The following PMM2 variants were observed in gnomAD, a reference collection of about 807,000 sequenced individuals.
PMM2 encodes the protein phosphomannomutase 2.
PMM2 carries 35 observed loss-of-function variants against 33.2 expected under a neutral mutation model. The ratio of observed to expected loss-of-function variants is 1.06; its 90% CI spans 0.81 to 1.40. The LOEUF is 1.40. PMM2 is among the 40% of genes most tolerant of loss of function. The pLI is 0.00. For missense variants in PMM2, 386 were observed against 306.0 expected (o/e 1.26, Z -1.95); for synonymous variants, 153 against 114.7 (o/e 1.33, Z -2.13).
chr16:8,801,382 A>C (rs2060615420), intron 1 of PMM2, among the ~76,000 whole-genome samples: 1 of 152,222 alleles, frequency 6.6e-6, no homozygotes, highest in Non-Finnish European at 1.5e-5. Flanking sequence ...GGCATGTATG[A>C]AAATAAGGCT....
intron 7 of PMM2, among the ~76,000 whole-genome samples, chr16:8,837,144 G>C (rs1423622255): frequency 1.3e-5 from 2 of 151,894 alleles, no homozygotes; most frequent in African/African-American, 2.4e-5. Context: ...GGGGACAGGT[G>C]GGAGGGAAAG....
At chr16:8,812,614 C>T (rs1028679799) in intron 6 of PMM2, among the ~76,000 whole-genome samples, 3 of 152,230 alleles carry the variant, frequency 2.0e-5, no homozygotes, top group African/African-American at 7.2e-5. Context: ...ATGCAACCTG[C>T]TTCCGGGCAT....
intron 1 of PMM2, 36 bp from the exon 2 acceptor site, chr16:8,801,763 G>T: frequency 7.9e-7 from 1 of 1,258,936 alleles, no homozygotes; most frequent in South Asian, 1.2e-5. Context: ...TTATTGTGTG[G>T]CTTATGACTG....
At chr16:8,798,008 G>T in intron 1 of PMM2, 60 bp downstream of exon 1, 1 of 1,522,340 alleles carries the variant, frequency 6.6e-7, no homozygotes, top group Non-Finnish European at 8.9e-7. Flanking sequence ...TTCCCAGTTG[G>T]GGCTATCGAC....
intron 7 of PMM2, chr16:8,832,801 C>T (rs561241014): frequency 1.0e-6 from 1 of 985,252 alleles, no homozygotes; most frequent in South Asian, 4.7e-5. Context: ...TGGCCCGGCC[C>T]CAGCCCCTGC....
chr16:8,811,593 A>G, intron 5 of PMM2, 45 bp from the exon 6 acceptor site: 2 of 1,221,282 alleles, frequency 1.6e-6, no homozygotes, highest in Non-Finnish European at 1.2e-6. Flanking sequence ...TGTGCTTTCT[A>G]AACTGCAATA....
At chr16:8,845,564 G>C (rs1353503500) in intron 7 of PMM2, among the ~76,000 whole-genome samples, 1 of 151,928 alleles carries the variant, frequency 6.6e-6, no homozygotes, top group Non-Finnish European at 1.5e-5. Flanking sequence ...TGTGAGAGTT[G>C]GTTGTGCCTT....
intron 7 of PMM2, among the ~76,000 whole-genome samples, chr16:8,820,258 T>A (rs1369665808): frequency 1.3e-5 from 2 of 152,036 alleles, no homozygotes; most frequent in African/African-American, 4.8e-5. Flanking sequence ...GTGGACCATG[T>A]TGACCCAGAT....
At chr16:8,820,966 C>G (rs2060735901) in intron 7 of PMM2, among the ~76,000 whole-genome samples, 1 of 150,090 alleles carries the variant, frequency 6.7e-6, no homozygotes, top group Non-Finnish European at 1.5e-5. Context: ...TCCTCAGGTT[C>G]CAAGTTAGGC....
intron 7 of PMM2, among the ~76,000 whole-genome samples, chr16:8,826,810 AT>A (rs759453181): frequency 2.6e-5 from 4 of 151,814 alleles, no homozygotes; most frequent in Non-Finnish European, 5.9e-5. Context: ...TTTTTTCCCC[AT>A]TTTACAAATC....
At chr16:8,827,970 T>TA (rs1326040956) in intron 7 of PMM2, among the ~76,000 whole-genome samples, 2 of 129,228 alleles carry the variant, frequency 1.5e-5, no homozygotes, top group South Asian at 2.3e-4. Flanking sequence ...AATTTATATA[T>TA]ATATATAAAA....
rs549292429 is a variant in PMM2 at position 8,846,989 on chromosome 16, G to A, written c.640-735G>A. ...AGCAATTCTCCTGCCTCAGCCTCCC[G>A]AGCAGCTGGGATTTCAGACGTGCGC... On this transcript the variant is annotated intron_variant, in intron 7 of 7. Transcript: ENST00000268261. 1.1e-4 allele frequency among the ~76,000 whole-genome samples: 17 copies of A among 152,040 alleles called. No homozygotes were observed. The East Asian group carries it at 2.9e-3, about 26-fold the overall frequency.
chr16:8,811,235 G>T, intron 5 of PMM2, 57 bp downstream of exon 5: 1 of 1,144,960 alleles, frequency 8.7e-7, no homozygotes, highest in South Asian at 1.3e-5. Flanking sequence ...ATAAGATATG[G>T]CCTGGTGTGG....
intron 7 of PMM2, among the ~76,000 whole-genome samples, chr16:8,839,908 G>C (rs1567169210): frequency 7.1e-6 from 1 of 140,040 alleles, no homozygotes; most frequent in Non-Finnish European, 1.5e-5. Flanking sequence ...TTAAATAAGT[G>C]TGAAGGAGGG....
intron 7 of PMM2, among the ~76,000 whole-genome samples, chr16:8,843,787 G>A (rs1429012634): frequency 6.6e-6 from 1 of 152,180 alleles, no homozygotes; most frequent in East Asian, 1.9e-4. Context: ...GTAATAAAAT[G>A]TATATTGAGA....
rs112070151 is a variant in PMM2, at chr16:8,825,874, A to G, written c.639+12768A>G. On this transcript the variant is annotated intron_variant, in intron 7 of 7. Coordinates refer to ENST00000268261, the MANE Select transcript of PMM2 (RefSeq NM_000303.3). ...AGGTTCAAGCAATTCTTCTGCCTCA[A>G]CCTCCCGAGTAGCTGGGACTACAGG... 7.0e-4 allele frequency among the ~76,000 whole-genome samples: 105 copies of G among 150,346 alleles called. 2 individuals are homozygous for G. Among genetic ancestry groups the G allele is most frequent in the African/African-American group, 2.4e-3 (98 of 40,802 alleles).
In PMM2 at chr16:8,803,588, C is replaced by A. The variant is rs1009506887; in HGVS notation, c.179-1179C>A. On this transcript the variant is annotated intron_variant, in intron 2 of 7. Coordinates refer to ENST00000268261, the MANE Select transcript of PMM2 (RefSeq NM_000303.3). ...TAGGGGATCTGCATTTTAACAGGTA[C>A]CTGAAGTTTGAGAATCCCTTCATTA... Among the ~76,000 whole-genome samples the A allele has an allele frequency of 3.3e-5, 5 of 152,058 alleles. No individual in the cohort carries two copies. The East Asian group carries it at 9.6e-4, about 29-fold the overall frequency.
intron 7 of PMM2, chr16:8,832,153 A>G: frequency 1.0e-6 from 1 of 985,450 alleles, no homozygotes. Flanking sequence ...CACAGCCCCA[A>G]GAAGGCTGCA....
intron 4 of PMM2, among the ~76,000 whole-genome samples, chr16:8,807,216 A>G (rs936854360): frequency 2.0e-5 from 3 of 147,752 alleles, no homozygotes; most frequent in African/African-American, 5.0e-5. Context: ...TCTGTTGGCC[A>G]GGCTGATATC....
Sources: gnomAD v4.1 joint callset for allele counts (sites outside exome capture counted in the v4.1 genomes callset) on GRCh38, gnomAD v4.1.1 for gene constraint, MANE v1.5 for transcripts, NCBI Gene and HGNC (gene_info 2026-07-23, HGNC 2026-07-21) for gene names.